SARNP: variants seen among roughly 807,000 people sequenced by gnomAD.
The protein encoded by SARNP is SAP domain containing ribonucleoprotein.
A neutral mutation model predicts 38.1 loss-of-function variants in SARNP; 5 were observed. The observed-to-expected ratio is 0.13, with a 90% CI of 0.07 to 0.28. SARNP has a LOEUF of 0.28. Among genes scored for constraint, SARNP ranks in the 10% least tolerant of loss-of-function variants. The pLI is 1.00. For synonymous variants in SARNP, 84 were observed against 80.6 expected, an observed-to-expected ratio of 1.04 and a Z score of -0.23; for missense variants, 180 against 243.9, an observed-to-expected ratio of 0.74 and a Z score of 1.75.
chr12:55,803,971 A>T (rs1271434571), intron 1 of SARNP, among the ~76,000 whole-genome samples: 1 of 152,180 alleles, frequency 6.6e-6, no homozygotes, highest in Non-Finnish European at 1.5e-5. Flanking sequence ...AAAAAACCTC[A>T]TCTATTTGTA....
chr12:55,817,336 A>C (rs533541315), intron 1 of SARNP, among the ~76,000 whole-genome samples: 8 of 152,228 alleles, frequency 5.3e-5, no homozygotes, highest in Non-Finnish European at 1.0e-4. Context: ...TGGGGCAAAA[A>C]GGAGGGACCA....
At chr12:55,795,258 C>T (rs1879788353) in intron 5 of SARNP, among the ~76,000 whole-genome samples, 1 of 152,054 alleles carries the variant, frequency 6.6e-6, no homozygotes, top group Admixed American at 6.6e-5. Flanking sequence ...CCTGGCCCAG[C>T]CAAAGGTAGG....
intron 1 of SARNP, among the ~76,000 whole-genome samples, chr12:55,815,215 G>T (rs1044175888): frequency 5.3e-5 from 8 of 151,986 alleles, no homozygotes; most frequent in Non-Finnish European, 4.4e-5. Flanking sequence ...GTGCCACCAT[G>T]CCCAGCTAAT....
chr12:55,794,574 T>C (rs1192319437), intron 6 of SARNP, among the ~76,000 whole-genome samples, 187 bp from the exon 7 acceptor site: 4 of 152,182 alleles, frequency 2.6e-5, no homozygotes, highest in African/African-American at 9.7e-5. Context: ...TCAGAATTAG[T>C]AGTAGTCAGT....
chr12:55,806,185 C>T (rs1184533731), intron 1 of SARNP, among the ~76,000 whole-genome samples: 1 of 152,028 alleles, frequency 6.6e-6, no homozygotes, highest in Admixed American at 6.6e-5. Flanking sequence ...AATAACTTCA[C>T]CTCTCTATGC....
chr12:55,807,376 A>C (rs1175962951), intron 1 of SARNP, among the ~76,000 whole-genome samples: 2 of 152,118 alleles, frequency 1.3e-5, no homozygotes, highest in African/African-American at 4.8e-5. Context: ...ATGTCCATTT[A>C]TTAAGTAACA....
At chr12:55,757,636 A>G (rs1878551600) in intron 10 of SARNP, 83 bp from the exon 11 acceptor site, 2 of 1,077,306 alleles carry the variant, frequency 1.9e-6, no homozygotes, top group South Asian at 3.0e-5. Flanking sequence ...CCAAACTCAC[A>G]TGAACTGTCA....
rs568978694 is a variant in SARNP, at chr12:55,804,526, G to C, written c.37-798C>G. On this transcript the variant is annotated intron_variant, in intron 1 of 10. Transcript: ENST00000336133. ...TCCTACACTTAGATTCAAAACTTCA[G>C]TTATATAAAAACTGGGTAAGGGAGG... Among the ~76,000 whole-genome samples the C allele has an allele frequency of 3.4e-4, 51 of 152,070 alleles. 1 individual carries two copies. The South Asian group carries it at 9.8e-3, about 29-fold the overall frequency.
chr12:55,755,405 G>A (rs1431289131), downstream of SARNP: 1 of 152,224 alleles, frequency 6.6e-6, no homozygotes, highest in Non-Finnish European at 1.5e-5. Context: ...ATTTACAGCT[G>A]AGGAAGCTAG....
intron 9 of SARNP, among the ~76,000 whole-genome samples, chr12:55,788,176 A>G (rs188474039): frequency 6.6e-6 from 1 of 152,326 alleles, no homozygotes; most frequent in African/African-American, 2.4e-5. Context: ...AAATAGAAAA[A>G]TCCTTATCAT....
rs75523542 is a variant in SARNP at position 55,776,514 on chromosome 12, T to C, written c.501+12561A>G. Among the ~76,000 whole-genome samples, 264 of 152,366 alleles carry C rather than the reference T, an allele frequency of 1.7e-3. 1 individual carries two copies. The highest frequency in any genetic ancestry group is 5.8e-3 in the African/African-American group (242 of 41,594). ...CTTTAAATCATCTCTAGAGTACTTA[T>C]GTATAAATAGCTGTTATACAATACT... On this transcript the variant is annotated intron_variant, in intron 9 of 10. Transcript: ENST00000336133.
intron 4 of SARNP, among the ~76,000 whole-genome samples, 179 bp from the exon 5 acceptor site, chr12:55,796,255 G>A (rs573124009): frequency 6.6e-6 from 1 of 152,228 alleles, no homozygotes; most frequent in South Asian, 2.1e-4. Flanking sequence ...CATCTATTGA[G>A]AGGAAAGAGT....
Position 55,760,655 on chromosome 12 carries a change from A to C in SARNP, c.502-15T>G, listed in dbSNP as rs1878647168. 4 of 1,572,876 alleles carry C rather than the reference A, an allele frequency of 2.5e-6. No individual in the cohort carries two copies. The highest frequency in any genetic ancestry group is 3.5e-6 in the Non-Finnish European group (4 of 1,144,372). ...TCATCTTCAGACTGTTCAAGGACAAAGGAAAGAGTTGAAACAAACTAGCCT... is the reference window on the plus strand; with the variant it reads ...TCATCTTCAGACTGTTCAAGGACAACGGAAAGAGTTGAAACAAACTAGCCT... On this transcript the variant is annotated splice_polypyrimidine_tract_variant and intron_variant, in intron 9 of 10. Coordinates refer to ENST00000336133, the MANE Select transcript of SARNP (RefSeq NM_033082.4).
chr12:55,813,434 A>C (rs542583389), intron 1 of SARNP, among the ~76,000 whole-genome samples: 12 of 152,290 alleles, frequency 7.9e-5, no homozygotes, highest in African/African-American at 2.9e-4. Context: ...ACTACAGCCG[A>C]AAGAAAACTC....
chr12:55,793,154 C>T (rs1484352790), intron 7 of SARNP: 1 of 152,178 alleles, frequency 6.6e-6, no homozygotes, highest in Non-Finnish European at 1.5e-5. Context: ...TGGTGTCACG[C>T]ACCTGTGGTC....
At chr12:55,780,019 G>A (rs1159986605) in intron 9 of SARNP, among the ~76,000 whole-genome samples, 3 of 152,150 alleles carry the variant, frequency 2.0e-5, no homozygotes, top group Non-Finnish European at 2.9e-5. Context: ...GTGTTGGTCT[G>A]TGCCTGTAGT....
intron 9 of SARNP, among the ~76,000 whole-genome samples, chr12:55,774,476 T>C (rs1019164393): frequency 6.7e-6 from 1 of 150,252 alleles, no homozygotes; most frequent in Non-Finnish European, 1.5e-5. Flanking sequence ...TCCCAGGACT[T>C]TGGGAGGCCT....
intron 1 of SARNP, among the ~76,000 whole-genome samples, chr12:55,805,952 G>A (rs1271637098): frequency 1.3e-5 from 2 of 151,934 alleles, no homozygotes; most frequent in African/African-American, 4.8e-5. Flanking sequence ...CAGGAGAACA[G>A]CTTGAACCTG....
intron 4 of SARNP, among the ~76,000 whole-genome samples, chr12:55,800,083 C>T (rs770911666): frequency 5.3e-5 from 8 of 151,602 alleles, no homozygotes; most frequent in Non-Finnish European, 2.9e-5. Flanking sequence ...CCCAGCTACT[C>T]GGGAGGCTGA....
Sources: allele counts gnomAD v4.1 joint callset (sites outside exome capture counted in the v4.1 genomes callset), GRCh38; gene constraint gnomAD v4.1.1; transcripts MANE v1.5; gene names NCBI Gene and HGNC (gene_info 2026-07-23, HGNC 2026-07-21).